The following AMOTL1 variants were observed in gnomAD, a reference collection of about 807,000 sequenced individuals.
AMOTL1 encodes the protein angiomotin-like protein 1.
In AMOTL1, 45 loss-of-function variants were observed where a neutral mutation model predicts 102.9. The observed-to-expected ratio is 0.44, with a 90% CI of 0.34 to 0.56. The LOEUF (loss-of-function observed/expected upper bound fraction) is 0.56, where lower values mean the gene tolerates loss of function less well. AMOTL1 is among the 20% of genes least tolerant of loss of function. AMOTL1 has a pLI of 0.01. For missense variants in AMOTL1, 1,114 were observed against 1,225.6 expected, an observed-to-expected ratio of 0.91 and a Z score of 1.36; for synonymous variants, 481 against 484.7, an observed-to-expected ratio of 0.99 and a Z score of 0.10.
At chr11:94,709,163 T>C (rs1248933215) in intron 1 of AMOTL1, among the ~76,000 whole-genome samples, 2 of 152,204 alleles carry the variant, frequency 1.3e-5, no homozygotes, top group Admixed American at 6.5e-5. Context: ...AGGAGTTTAA[T>C]GCTAATTCTC....
chr11:94,818,400 C>A (rs1951803565), intron 3 of AMOTL1, among the ~76,000 whole-genome samples: 1 of 152,338 alleles, frequency 6.6e-6, no homozygotes, highest in South Asian at 2.1e-4. Flanking sequence ...CAGGCACAGG[C>A]TGAGCTCAAA....
intron 1 of AMOTL1, among the ~76,000 whole-genome samples, chr11:94,773,022 G>A (rs758269545): frequency 2.0e-5 from 3 of 152,142 alleles, no homozygotes; most frequent in African/African-American, 4.8e-5. Flanking sequence ...CCTCTTTGGC[G>A]AAATAACTAT....
chr11:94,810,094 T>G (rs1396482141), intron 3 of AMOTL1, among the ~76,000 whole-genome samples: 1 of 152,234 alleles, frequency 6.6e-6, no homozygotes, highest in African/African-American at 2.4e-5. Flanking sequence ...GCCCTAAATT[T>G]GCATATTAAA....
At chr11:94,826,576 C>T (rs1175617047) in intron 4 of AMOTL1, among the ~76,000 whole-genome samples, 12 of 152,138 alleles carry the variant, frequency 7.9e-5, no homozygotes, top group African/African-American at 2.7e-4. Context: ...AGAGGCAAAA[C>T]GTGAAGAGCA....
intron 1 of AMOTL1, among the ~76,000 whole-genome samples, chr11:94,774,996 G>A (rs138570103): frequency 4.1e-4 from 63 of 152,212 alleles, no homozygotes; most frequent in African/African-American, 1.4e-3. Context: ...TGCCACAACT[G>A]GGTATATGGC....
At chr11:94,870,658 G>GGGCAGCTGATGTTTCCCCTCTATTT in intron 12 of AMOTL1, 31 bp from the exon 13 acceptor site, 1 of 1,544,636 alleles carries the variant, frequency 6.5e-7, no homozygotes, top group South Asian at 1.2e-5. Context: ...CCTGAGGAAT[G>GGGCAGCTGATGTTTCCCCTCTATTT]GGCAGCTGAT....
intron 1 of AMOTL1, among the ~76,000 whole-genome samples, chr11:94,794,768 A>G (rs564068952): frequency 6.6e-6 from 1 of 152,302 alleles, no homozygotes; most frequent in South Asian, 2.1e-4. Flanking sequence ...ACATTAGAGC[A>G]TTTGCGCCTT....
intron 3 of AMOTL1, among the ~76,000 whole-genome samples, chr11:94,802,866 T>A (rs774929817): frequency 1.3e-5 from 2 of 152,238 alleles, no homozygotes; most frequent in Non-Finnish European, 2.9e-5. Context: ...CAGTGTGTCA[T>A]GTTCAACTTG....
chr11:94,831,818 C>G (rs539085253), intron 6 of AMOTL1, among the ~76,000 whole-genome samples: 99 of 152,270 alleles, frequency 6.5e-4, no homozygotes, highest in African/African-American at 2.3e-3. Context: ...AACATCATAG[C>G]ATGTCCTGGC....
At chr11:94,713,537 CTTCT>C (rs1363824867) in intron 1 of AMOTL1, among the ~76,000 whole-genome samples, 12 of 151,018 alleles carry the variant, frequency 7.9e-5, no homozygotes, top group East Asian at 1.9e-4. Flanking sequence ...TTATGTGAGT[CTTCT>C]TTGTTTTTTT....
At chr11:94,778,498 T>G (rs1230930399) in intron 1 of AMOTL1, among the ~76,000 whole-genome samples, 1 of 152,206 alleles carries the variant, frequency 6.6e-6, no homozygotes, top group Non-Finnish European at 1.5e-5. Flanking sequence ...AACCTCTCTG[T>G]CAAGTAGAAT....
At chr11:94,821,908 G>T in intron 4 of AMOTL1, 87 bp downstream of exon 4, 4 of 1,518,246 alleles carry the variant, frequency 2.6e-6, no homozygotes, top group South Asian at 2.5e-5. Context: ...TGCCAACATT[G>T]CAGTAGACCC....
chr11:94,731,531 T>C lies in AMOTL1; in HGVS notation c.85+2476T>C, dbSNP rs969918173. ...AGGATACTGGCACTCGGAGAGGAAG[T>C]GTAATGTGCCAGAGCTAAGTCAGAA... is the stretch of plus-strand genomic sequence containing the variant. On this transcript the variant is annotated intron_variant, in intron 2 of 4. Coordinates refer to the AMOTL1 transcript ENST00000299004. Among the ~76,000 whole-genome samples, 107 of 152,144 alleles carry C rather than the reference T, an allele frequency of 7.0e-4. 1 individual carries two copies. Among genetic ancestry groups the C allele is most frequent in the Admixed American group, 4.6e-4 (7 of 15,278 alleles).
chr11:94,787,687 C>CAAAAAAAAAAAAAAAAAAAAAAA (rs59563004), intron 1 of AMOTL1, among the ~76,000 whole-genome samples: 1 of 57,528 alleles, frequency 1.7e-5, no homozygotes, highest in African/African-American at 8.1e-5. Flanking sequence ...AACTCCGTCT[C>CAAAAAAAAAAAAAAAAAAAAAAA]AAAAAAAAAA....
At chr11:94,729,083 G>T (rs1234190894) in intron 2 of AMOTL1, 6 of 1,277,082 alleles carry the variant, frequency 4.7e-6, no homozygotes, top group Non-Finnish European at 6.1e-6. Context: ...GTCCCTGATA[G>T]CATGGTACTC....
At position 94,874,372 on chromosome 11, in the gene AMOTL1, T is replaced by C. The variant is rs568895746; in HGVS notation, c.*3577T>C. ...TGCAGAGTTCAGCATGTTCTAACCA[T>C]GCACGCAGGGCAGGGGCTGCCTTGG... On this transcript the variant is annotated 3_prime_UTR_variant, in exon 13 of 13. Transcript: ENST00000433060. The C allele has an allele frequency of 3.3e-5, 5 of 152,420 alleles. No individual in the cohort carries two copies. Among genetic ancestry groups the C allele is most frequent in the East Asian group, 1.9e-4 (1 of 5,190 alleles). 9.4% of individuals were successfully genotyped at this position (152,420 alleles called of 1,614,324 possible).
intron 2 of AMOTL1, among the ~76,000 whole-genome samples, chr11:94,795,547 A>T (rs1951351806): frequency 6.6e-6 from 1 of 152,160 alleles, no homozygotes; most frequent in Non-Finnish European, 1.5e-5. Flanking sequence ...AAAAGAAGTA[A>T]TTCAGAACTA....
intron 1 of AMOTL1, among the ~76,000 whole-genome samples, chr11:94,723,531 A>G (rs1324109190): frequency 6.6e-6 from 1 of 152,144 alleles, no homozygotes; most frequent in East Asian, 1.9e-4. Context: ...AAATATTAAC[A>G]TCAATAAATT....
At chr11:94,762,643 G>A (rs897250768) in intron 3 of AMOTL1, among the ~76,000 whole-genome samples, 20 of 152,298 alleles carry the variant, frequency 1.3e-4, no homozygotes, top group Admixed American at 1.2e-3. Context: ...TCTACTCCAT[G>A]TCGGAATCTT....
Sources: allele counts gnomAD v4.1 joint callset (sites outside exome capture counted in the v4.1 genomes callset), GRCh38; gene constraint gnomAD v4.1.1; transcripts MANE v1.5; gene names NCBI Gene and HGNC (gene_info 2026-07-23, HGNC 2026-07-21).